The following KIF16B variants were observed in gnomAD, a reference collection of about 807,000 sequenced individuals.
KIF16B encodes kinesin-like protein KIF16B.
In KIF16B, 98 loss-of-function variants were observed where a neutral mutation model predicts 156.3. The observed-to-expected ratio is 0.63, with a 90% CI of 0.53 to 0.74. KIF16B has a LOEUF of 0.74. Among genes scored for constraint, KIF16B ranks in the 30% least tolerant of loss-of-function variants. The probability of loss-of-function intolerance (pLI) is 0.00; values close to 1 mark genes in which losing one functional copy is unlikely to be tolerated. For synonymous variants in KIF16B, 564 were observed against 583.7 expected, an observed-to-expected ratio of 0.97 and a Z score of 0.49; for missense variants, 1,421 against 1,606.5, an observed-to-expected ratio of 0.88 and a Z score of 1.97.
At chr20:16,358,505 C>T (rs1234036144) in intron 22 of KIF16B, among the ~76,000 whole-genome samples, 1 of 152,176 alleles carries the variant, frequency 6.6e-6, no homozygotes, top group African/African-American at 2.4e-5. Context: ...GGAATCCAAT[C>T]CTAGTTCTGG....
intron 17 of KIF16B, among the ~76,000 whole-genome samples, chr20:16,398,890 AGAG>A (rs1430942273): frequency 6.6e-6 from 1 of 152,210 alleles, no homozygotes; most frequent in Non-Finnish European, 1.5e-5. Flanking sequence ...GGCTTAGCAC[AGAG>A]GAGGAGGCCA....
At chr20:16,569,211 G>T (rs760773397) in intron 1 of KIF16B, among the ~76,000 whole-genome samples, 20 of 152,138 alleles carry the variant, frequency 1.3e-4, no homozygotes, top group Non-Finnish European at 2.5e-4. Context: ...AATGCTTGTT[G>T]TTTATAAGCC....
intron 1 of KIF16B, among the ~76,000 whole-genome samples, chr20:16,548,106 G>A (rs896333563): frequency 6.6e-6 from 1 of 152,174 alleles, no homozygotes. Flanking sequence ...AAAGCCTAAA[G>A]GAGAAAACAA....
chr20:16,498,005 C>G (rs1338895212), intron 10 of KIF16B, among the ~76,000 whole-genome samples: 1 of 152,152 alleles, frequency 6.6e-6, no homozygotes, highest in Non-Finnish European at 1.5e-5. Context: ...TTAATATGTA[C>G]AGAGTCCAAC....
chr20:16,473,359 C>T (rs6034487), intron 12 of KIF16B, among the ~76,000 whole-genome samples: 24,002 of 152,176 alleles, frequency 0.16, 3,476 homozygotes, highest in African/African-American at 0.39. Flanking sequence ...TCTCCCTTTA[C>T]AGAACCATAT....
At chr20:16,523,703 C>T (rs1169427175) in intron 3 of KIF16B, among the ~76,000 whole-genome samples, 1 of 151,992 alleles carries the variant, frequency 6.6e-6, no homozygotes, top group African/African-American at 2.4e-5. Flanking sequence ...TCATATGGAA[C>T]CAAAAAAACA....
At chr20:16,338,747 T>C (rs186176860) in intron 23 of KIF16B, among the ~76,000 whole-genome samples, 6 of 152,298 alleles carry the variant, frequency 3.9e-5, no homozygotes, top group Non-Finnish European at 8.8e-5. Context: ...ACTGATCTCA[T>C]TTTAAAGTCA....
At chr20:16,393,630 T>A (rs2065424214) in intron 17 of KIF16B, among the ~76,000 whole-genome samples, 1 of 152,198 alleles carries the variant, frequency 6.6e-6, no homozygotes, top group Non-Finnish European at 1.5e-5. Flanking sequence ...TGGAATACAG[T>A]ACTGAAAAAA....
chr20:16,473,471 A>C (rs1448999677), intron 12 of KIF16B, among the ~76,000 whole-genome samples: 1 of 152,212 alleles, frequency 6.6e-6, no homozygotes, highest in Non-Finnish European at 1.5e-5. Flanking sequence ...GATACATATT[A>C]AACATAAAAT....
chr20:16,472,953 T>C (rs1410595612), intron 12 of KIF16B, among the ~76,000 whole-genome samples: 1 of 152,154 alleles, frequency 6.6e-6, no homozygotes, highest in Non-Finnish European at 1.5e-5. Flanking sequence ...CATATCTAGG[T>C]TCTGAGAAAC....
intron 12 of KIF16B, among the ~76,000 whole-genome samples, chr20:16,451,423 T>C (rs931464074): frequency 1.3e-5 from 2 of 152,130 alleles, no homozygotes; most frequent in African/African-American, 2.4e-5. Context: ...CTAATGGTGA[T>C]TCCTGATAAA....
intron 25 of KIF16B, among the ~76,000 whole-genome samples, chr20:16,288,353 C>T (rs759064997): frequency 1.9e-3 from 289 of 152,278 alleles, no homozygotes; most frequent in Admixed American, 7.3e-3. Context: ...AGGACAGGGT[C>T]CAATTTAGAG....
chr20:16,447,932 T>C (rs2066978076), intron 12 of KIF16B, among the ~76,000 whole-genome samples: 1 of 152,006 alleles, frequency 6.6e-6, no homozygotes, highest in South Asian at 2.1e-4. Context: ...ACAGCAAACA[T>C]AACAAGACTC....
intron 12 of KIF16B, among the ~76,000 whole-genome samples, chr20:16,450,069 T>C (rs1459604345): frequency 6.6e-6 from 1 of 152,184 alleles, no homozygotes. Context: ...GGTACAAGAA[T>C]GGCAAACATA....
intron 12 of KIF16B, among the ~76,000 whole-genome samples, chr20:16,444,152 A>C (rs2146547378): frequency 6.6e-6 from 1 of 152,362 alleles, no homozygotes; most frequent in East Asian, 1.9e-4. Context: ...TTCATTAGTT[A>C]AAAAACTATT....
chr20:16,540,427 C>T (rs1338565734), intron 1 of KIF16B, among the ~76,000 whole-genome samples: 1 of 152,154 alleles, frequency 6.6e-6, no homozygotes, highest in Non-Finnish European at 1.5e-5. Flanking sequence ...GACAAAAAGT[C>T]CCTGCTTTGA....
chr20:16,275,417 A>C (rs1362183643), intron 25 of KIF16B, among the ~76,000 whole-genome samples: 3 of 152,130 alleles, frequency 2.0e-5, no homozygotes. Flanking sequence ...TGAAACCACC[A>C]TTAAATCAAG....
intron 22 of KIF16B, chr20:16,367,056 G>A: frequency 1.4e-6 from 2 of 1,432,834 alleles, no homozygotes; most frequent in Non-Finnish European, 1.8e-6. Context: ...TAGCTACACG[G>A]AGATATTCAT....
chr20:16,454,848 C>T (rs915689123), intron 12 of KIF16B, among the ~76,000 whole-genome samples: 1 of 152,160 alleles, frequency 6.6e-6, no homozygotes, highest in African/African-American at 2.4e-5. Flanking sequence ...AGTACCCCAG[C>T]AGCAATGAGC....
Sources: gnomAD v4.1 joint callset for allele counts (sites outside exome capture counted in the v4.1 genomes callset) on GRCh38, gnomAD v4.1.1 for gene constraint, MANE v1.5 for transcripts, NCBI Gene and HGNC (gene_info 2026-07-23, HGNC 2026-07-21) for gene names.